Variants in ZNF888 observed in about 807,000 individuals in gnomAD.
ZNF888 encodes the protein zinc finger protein 888.
ZNF888 carries 5 observed loss-of-function variants against 7.2 expected under a neutral mutation model. The observed-to-expected ratio is 0.70, with a 90% confidence interval of 0.36 to 1.46. The LOEUF (loss-of-function observed/expected upper bound fraction) is 1.46, where lower values mean the gene tolerates loss of function less well. Ranked by LOEUF, ZNF888 falls within the 40% of genes most tolerant of loss-of-function variation. The pLI, the probability that ZNF888 is intolerant of heterozygous loss-of-function variation, is 0.03. For synonymous variants in ZNF888, 240 were observed against 284.3 expected (o/e 0.84, Z 1.57); for missense variants, 716 against 858.0 (o/e 0.83, Z 2.07).
rs7259001 is a variant in ZNF888, at chr19:52,904,954, T to A, written c.*1211A>T. On this transcript the variant is annotated 3_prime_UTR_variant, in exon 5 of 5. Transcript: ENST00000638862. ...CAATAAACAATTTTAAAAGAAAATT[T>A]AAAAACACTTCCATTTGCTAGAGAA... 0.38 allele frequency: 57,572 copies of A among 152,378 alleles called. 14,119 individuals carry two copies. Among genetic ancestry groups the A allele is most frequent in the African/African-American group, 0.69 (28,476 of 41,370 alleles). 9.4% of individuals were successfully genotyped at this position (152,378 alleles called of 1,614,324 possible).
chr19:52,922,506 C>T (rs1419345771), intron 1 of ZNF888, among the ~76,000 whole-genome samples: 1 of 152,162 alleles, frequency 6.6e-6, no homozygotes, highest in Non-Finnish European at 1.5e-5. Context: ...CTTCATCTCT[C>T]TGTACATCCA....
Position 52,907,514 on chromosome 19 carries a change from A to G in ZNF888, c.808T>C (p.Tyr270His). 1 of 1,608,254 alleles carries G rather than the reference A, an allele frequency of 6.2e-7. No individual in the cohort carries two copies. Among genetic ancestry groups the G allele is most frequent in the Non-Finnish European group, 8.5e-7 (1 of 1,177,690 alleles). ...ACCTTGCCACATTTATTACACATGTAAGGTTTCTCACCAGTGTGACATCTA... is the reference window on the plus strand; with the variant it reads ...ACCTTGCCACATTTATTACACATGTGAGGTTTCTCACCAGTGTGACATCTA... ...HRRCHTGEKP[Y>H]MCNKCGKVFN... The change falls in exon 5 of 5, where the codon TAC becomes CAC. Residue 270 changes from tyrosine to histidine, a missense_variant. Tyr to His is a moderately conservative substitution (Grantham distance 83). This residue lies in a region of ZNF888 where 697 missense variants were observed against 803.4 expected (regional missense o/e 0.87). Transcript: ENST00000638862.
At chr19:52,913,888 A>C (rs1286507081) in intron 4 of ZNF888, among the ~76,000 whole-genome samples, 1 of 152,148 alleles carries the variant, frequency 6.6e-6, no homozygotes, top group East Asian at 1.9e-4. Context: ...CCCTTTGGGA[A>C]GCTGAGGCAG....
chr19:52,917,843 G>A lies in ZNF888; in HGVS notation c.15+16C>T, dbSNP rs1195075939. 1 of 1,613,546 alleles carries A rather than the reference G, an allele frequency of 6.2e-7. No homozygotes were observed. The highest frequency in any genetic ancestry group is 1.3e-5 in the African/African-American group (1 of 75,048). ...AAGGAAGGAGACAGAACAATCCACA[G>A]AGAATATCATCTCACCTGAGGAAGA... On this transcript the variant is annotated intron_variant, in intron 3 of 4. Coordinates refer to ENST00000638862, the MANE Select transcript of ZNF888 (RefSeq NM_001393938.1).
rs1038117676 is a variant in ZNF888 at position 52,907,508 on chromosome 19, A to C, written c.814T>G (p.Cys272Gly). ...TTAAAAACCTTGCCACATTTATTAC[A>C]CATGTAAGGTTTCTCACCAGTGTGA... is the stretch of plus-strand genomic sequence containing the variant. Reference protein sequence around the residue: ...RCHTGEKPYMCNKCGKVFNKK... With the variant: ...RCHTGEKPYMGNKCGKVFNKK... Residue 272 changes from cysteine (C) to glycine (G), a missense_variant, in exon 5 of 5, where the codon TGT (cysteine) becomes GGT (glycine). By Grantham distance (159) the Cys-to-Gly change is radical (BLOSUM62 -3). This residue lies in a region of ZNF888 where 697 missense variants were observed against 803.4 expected (regional missense o/e 0.87). Coordinates refer to ENST00000638862, the MANE Select transcript of ZNF888 (RefSeq NM_001393938.1). 2.4e-5 allele frequency: 39 copies of C among 1,606,184 alleles called. No individual in the cohort carries two copies. Among genetic ancestry groups the C allele is most frequent in the Non-Finnish European group, 3.3e-5 (39 of 1,176,934 alleles).
chr19:52,906,818 C>T lies in ZNF888; in HGVS notation c.1504G>A (p.Ala502Thr). 1 of 1,613,140 alleles carries T rather than the reference C, an allele frequency of 6.2e-7. No individual in the cohort carries two copies. The highest frequency in any genetic ancestry group is 1.1e-5 in the South Asian group (1 of 91,030). ...KPYKCKVCDK[A>T]FRRDSHLAQH... The stretch of plus-strand genomic sequence containing the variant: ...GCCAGGTGTGAATCACGTCTGAAAG[C>T]CTTGTCACAAACCTTACATTTGTAT... The change falls in exon 5 of 5, where the codon GCT becomes ACT. Residue 502 changes from alanine (A) to threonine (T), a missense_variant. This residue lies in a region of ZNF888 where 697 missense variants were observed against 803.4 expected (regional missense o/e 0.87). Coordinates refer to ENST00000638862, the MANE Select transcript of ZNF888 (RefSeq NM_001393938.1).
At chr19:52,910,486 A>G (rs961010072) in intron 4 of ZNF888, among the ~76,000 whole-genome samples, 3 of 152,100 alleles carry the variant, frequency 2.0e-5, no homozygotes, top group African/African-American at 7.2e-5. Context: ...AATAAGATAA[A>G]TAACTACTTC....
At chr19:52,917,975 C>T (rs2064770815) in intron 2 of ZNF888, 44 bp from the exon 3 acceptor site, 2 of 1,592,878 alleles carry the variant, frequency 1.3e-6, no homozygotes. Flanking sequence ...TTGTTTATTG[C>T]TCAGAGTCAA....
At chr19:52,913,460 G>T (rs946441438) in intron 4 of ZNF888, among the ~76,000 whole-genome samples, 2 of 151,816 alleles carry the variant, frequency 1.3e-5, no homozygotes, top group East Asian at 1.9e-4. Context: ...GAGTAGCTGG[G>T]ATTACAGCTG....
chr19:52,921,447 A>G (rs927728729), intron 1 of ZNF888, among the ~76,000 whole-genome samples: 2 of 152,200 alleles, frequency 1.3e-5, no homozygotes, highest in Admixed American at 6.5e-5. Flanking sequence ...TGAGATGAGT[A>G]AGAAGATGTG....
chr19:52,922,578 A>T (rs987980391), intron 1 of ZNF888, among the ~76,000 whole-genome samples: 1 of 151,372 alleles, frequency 6.6e-6, no homozygotes, highest in Non-Finnish European at 1.5e-5. Context: ...TTGTTTTTTC[A>T]CTTTTGCTGT....
intron 4 of ZNF888, chr19:52,913,720 A>T (rs2064712554): frequency 1.0e-6 from 1 of 984,234 alleles, no homozygotes; most frequent in Non-Finnish European, 1.2e-6. Context: ...TATACGACAC[A>T]CTTCACTTCT....
In ZNF888 at chr19:52,907,921, G is replaced by T. The variant is rs2147923484; in HGVS notation, c.401C>A (p.Pro134His). Reference protein sequence around the residue: ...QYDQRHAGNKPIKYQLGSSFH... With the variant: ...QYDQRHAGNKHIKYQLGSSFH... ...GCTTGATCCAAGCTGATATTTAATA[G>T]GCTTGTTTCCAGCATGCCTTTGATC... The change falls in exon 5 of 5, where the codon CCT becomes CAT. Residue 134 changes from proline to histidine, a missense_variant. By Grantham distance (77) the Pro-to-His change is moderately conservative. Transcript: ENST00000638862. The T allele has an allele frequency of 2.5e-6, 4 of 1,614,118 alleles. No individual in the cohort carries two copies. The East Asian group carries it at 6.7e-5, about 27-fold the overall frequency.
At chr19:52,918,130 G>A (rs1255259181) in intron 2 of ZNF888, 199 bp from the exon 3 acceptor site, 24 of 1,380,766 alleles carry the variant, frequency 1.7e-5, no homozygotes, top group South Asian at 4.8e-5. Context: ...CCACACACAC[G>A]CTGCAGCAGT....
chr19:52,915,191 C>T lies in ZNF888; in HGVS notation c.142+5G>A. On this transcript the variant is annotated splice_donor_5th_base_variant and intron_variant, in intron 4 of 4. Coordinates refer to ENST00000638862, the MANE Select transcript of ZNF888 (RefSeq NM_001393938.1). ...GAACATCCCCAGGAAGGAAGTTATC[C>T]TCACCCAGGGAGACCAGGTTCCTAT... 6.4e-7 allele frequency: 1 copy of T among 1,557,180 alleles called. No individual in the cohort carries two copies.
chr19:52,909,244 A>T (rs937879311), intron 4 of ZNF888, among the ~76,000 whole-genome samples: 14 of 149,982 alleles, frequency 9.3e-5, no homozygotes, highest in Non-Finnish European at 1.3e-4. Context: ...TTTAAAAAAA[A>T]TTTTTGTATT....
chr19:52,909,538 C>T (rs560980293), intron 4 of ZNF888, among the ~76,000 whole-genome samples: 19 of 152,164 alleles, frequency 1.2e-4, no homozygotes, highest in Non-Finnish European at 2.6e-4. Context: ...TGAGCCACTG[C>T]GCCCGGGGGC....
At chr19:52,913,753 T>C in intron 4 of ZNF888, 1 of 984,470 alleles carries the variant, frequency 1.0e-6, no homozygotes, top group Non-Finnish European at 1.2e-6. Flanking sequence ...GAATGGACAC[T>C]AACGTGGTTG....
At chr19:52,912,617 C>A (rs1304655027) in intron 4 of ZNF888, among the ~76,000 whole-genome samples, 1 of 151,124 alleles carries the variant, frequency 6.6e-6, no homozygotes, top group Non-Finnish European at 1.5e-5. Flanking sequence ...GCAGTCCCAG[C>A]TACTTGAGAG....
Sources: allele counts gnomAD v4.1 joint callset (sites outside exome capture counted in the v4.1 genomes callset), GRCh38; gene constraint gnomAD v4.1.1; regional missense constraint gnomAD v4.1.1; transcripts MANE v1.5; gene names NCBI Gene and HGNC (gene_info 2026-07-23, HGNC 2026-07-21).